The following GPLD1 variants were observed in gnomAD, a reference collection of about 807,000 sequenced individuals.
The protein encoded by GPLD1 is phosphatidylinositol-glycan-specific phospholipase D.
Under a neutral mutation model 112.6 loss-of-function variants are expected in GPLD1, and 84 were observed. The ratio of observed to expected loss-of-function variants is 0.75; its 90% confidence interval spans 0.63 to 0.89. The LOEUF is 0.89. Ranked by LOEUF, GPLD1 falls within the 40% of genes least tolerant of loss-of-function variation. The probability of loss-of-function intolerance (pLI) is 0.00; values close to 1 mark genes in which losing one functional copy is unlikely to be tolerated. For synonymous variants in GPLD1, 386 were observed against 403.8 expected (o/e 0.96, Z 0.53); for missense variants, 1,044 against 1,051.5 (o/e 0.99, Z 0.10).
intron 20 of GPLD1, among the ~76,000 whole-genome samples, chr6:24,442,526 G>T (rs1762782344): frequency 7.1e-6 from 1 of 140,314 alleles, no homozygotes. Context: ...CTCACTGCAA[G>T]CTCTGGCTCC....
At chr6:24,447,227 C>G (rs934788654) in intron 17 of GPLD1, among the ~76,000 whole-genome samples, 1 of 152,142 alleles carries the variant, frequency 6.6e-6, no homozygotes, top group Non-Finnish European at 1.5e-5. Flanking sequence ...GGCTCTGGGC[C>G]AGGTGCGGTG....
intron 2 of GPLD1, among the ~76,000 whole-genome samples, chr6:24,484,074 C>T (rs148386883): frequency 0.013 from 2,017 of 152,180 alleles, 25 homozygotes; most frequent in Middle Eastern, 0.024. Context: ...CACCACGATG[C>T]CCGGCTAATT....
At chr6:24,471,933 A>T (rs1763838423) in intron 7 of GPLD1, among the ~76,000 whole-genome samples, 1 of 152,316 alleles carries the variant, frequency 6.6e-6, no homozygotes, top group Non-Finnish European at 1.5e-5. Flanking sequence ...ATTACAAAGG[A>T]AAAACTGATC....
intron 7 of GPLD1, among the ~76,000 whole-genome samples, 198 bp downstream of exon 7, chr6:24,472,384 G>A (rs1301211679): frequency 6.6e-6 from 1 of 152,166 alleles, no homozygotes; most frequent in East Asian, 1.9e-4. Context: ...CTATGACTCA[G>A]CAACTCCACT....
intron 2 of GPLD1, among the ~76,000 whole-genome samples, chr6:24,484,321 C>T (rs1311221024): frequency 6.6e-6 from 1 of 152,124 alleles, no homozygotes; most frequent in Non-Finnish European, 1.5e-5. Flanking sequence ...AAACGATTCC[C>T]CGCCTCAGCC....
chr6:24,468,557 T>C (rs567214445), intron 7 of GPLD1, among the ~76,000 whole-genome samples: 2 of 142,946 alleles, frequency 1.4e-5, no homozygotes, highest in East Asian at 3.9e-4. Context: ...ATTTTTTTAT[T>C]TTTATTTTTT....
rs1356146971 is a variant in GPLD1, at chr6:24,432,994, G to A, written c.2436+193C>T. 2.0e-5 allele frequency among the ~76,000 whole-genome samples: 3 copies of A among 152,192 alleles called. No individual in the cohort carries two copies. In the South Asian group the frequency reaches 6.2e-4, roughly 32 times the overall value. ...CTTGGCCCCAACCCCTGCTGTAGAG[G>A]ATAAAATAGGAAGAGTAAAAAGGGA... is the stretch of plus-strand genomic sequence containing the variant. On this transcript the variant is annotated intron_variant, in intron 24 of 24. Coordinates refer to ENST00000230036, the MANE Select transcript of GPLD1 (RefSeq NM_001503.4).
chr6:24,493,036 C>T (rs975572143), upstream of GPLD1, among the ~76,000 whole-genome samples: 7 of 152,056 alleles, frequency 4.6e-5, no homozygotes, highest in Non-Finnish European at 8.8e-5. Context: ...ACCTACTGTG[C>T]GTAATGGATA....
intron 20 of GPLD1, among the ~76,000 whole-genome samples, chr6:24,441,671 A>C (rs1762750114): frequency 6.6e-6 from 1 of 152,226 alleles, no homozygotes; most frequent in African/African-American, 2.4e-5. Flanking sequence ...GTGCCGAGAG[A>C]AGCTAAGTGG....
At chr6:24,464,745 C>G (rs563090803) in intron 10 of GPLD1, among the ~76,000 whole-genome samples, 2 of 152,324 alleles carry the variant, frequency 1.3e-5, no homozygotes, top group South Asian at 4.1e-4. Context: ...GCCCAGAGAA[C>G]CCTCTTTCCC....
chr6:24,485,671 T>TA (rs1459789646), intron 2 of GPLD1, among the ~76,000 whole-genome samples: 42 of 137,088 alleles, frequency 3.1e-4, no homozygotes, highest in South Asian at 4.7e-4. Context: ...AAATAATGAG[T>TA]CTCTTTTTTT....
chr6:24,439,604 T>G (rs1762682231), intron 20 of GPLD1, among the ~76,000 whole-genome samples: 1 of 152,204 alleles, frequency 6.6e-6, no homozygotes, highest in Non-Finnish European at 1.5e-5. Context: ...CTTGGAAATT[T>G]CAGCCATTCA....
chr6:24,462,851 T>C (rs1763481527), intron 10 of GPLD1, 56 bp from the exon 11 acceptor site: 1 of 1,281,364 alleles, frequency 7.8e-7, no homozygotes, highest in Non-Finnish European at 1.1e-6. Flanking sequence ...AAGCATGAAT[T>C]TTACCGAGAA....
chr6:24,463,732 C>T (rs575180367), intron 10 of GPLD1, among the ~76,000 whole-genome samples: 1 of 152,262 alleles, frequency 6.6e-6, no homozygotes, highest in East Asian at 1.9e-4. Context: ...GGAAGATAAC[C>T]TGTGTTAGTA....
chr6:24,452,107 T>C (rs1295682870), intron 14 of GPLD1, among the ~76,000 whole-genome samples: 1 of 152,182 alleles, frequency 6.6e-6, no homozygotes, highest in Non-Finnish European at 1.5e-5. Context: ...CTTGCCATCT[T>C]TGAAATGATC....
rs1263346950 is a variant in GPLD1 at position 24,437,121 on chromosome 6, T to C, written c.2189A>G (p.Asp730Gly). 1.2e-6 allele frequency: 2 copies of C among 1,613,880 alleles called. No homozygotes were observed. Among genetic ancestry groups the C allele is most frequent in the Non-Finnish European group, 1.7e-6 (2 of 1,179,856 alleles). Residue 730 changes from aspartate to glycine, a missense_variant, in exon 21 of 25, where the codon GAT becomes GGT. Physicochemically the swap from Asp to Gly is moderately conservative, Grantham distance 94. Transcript: ENST00000230036. ...GVLHLSDLDD[D>G]GLDEIIMAAP... ...TCCTGTTCCTTTCTTACCTAAGCCATCATCATCCAGGTCACTCAAGTGCAG... is the reference window on the plus strand; with the variant it reads ...TCCTGTTCCTTTCTTACCTAAGCCACCATCATCCAGGTCACTCAAGTGCAG...
chr6:24,481,418 G>C (rs1487699206), intron 2 of GPLD1, among the ~76,000 whole-genome samples: 1 of 150,008 alleles, frequency 6.7e-6, no homozygotes, highest in Non-Finnish European at 1.5e-5. Flanking sequence ...AGTACTTCAA[G>C]AAATTAAAAC....
intron 2 of GPLD1, among the ~76,000 whole-genome samples, chr6:24,484,265 G>A (rs1224972093): frequency 2.0e-5 from 3 of 150,722 alleles, no homozygotes; most frequent in African/African-American, 7.3e-5. Flanking sequence ...AGGCTGGAGT[G>A]CAGTGGTGTG....
intron 14 of GPLD1, among the ~76,000 whole-genome samples, chr6:24,451,026 C>T (rs533512736): frequency 2.1e-4 from 32 of 152,310 alleles, no homozygotes; most frequent in African/African-American, 7.2e-4. Context: ...TTCAGTTTTT[C>T]AGTTGCAATA....
Sources: gnomAD v4.1 joint callset for allele counts (sites outside exome capture counted in the v4.1 genomes callset) on GRCh38, gnomAD v4.1.1 for gene constraint, MANE v1.5 for transcripts, NCBI Gene and HGNC (gene_info 2026-07-23, HGNC 2026-07-21) for gene names.